Variants in SORCS2 observed in about 807,000 individuals in gnomAD.
SORCS2 encodes VPS10 domain-containing receptor SorCS2.
A neutral mutation model predicts 141.6 loss-of-function variants in SORCS2; 100 were observed. The observed-to-expected ratio is 0.71, with a 90% confidence interval of 0.60 to 0.83. The LOEUF (loss-of-function observed/expected upper bound fraction) is 0.83, where lower values mean the gene tolerates loss of function less well. SORCS2 is among the 40% of genes least tolerant of loss of function. The pLI, the probability that SORCS2 is intolerant of heterozygous loss-of-function variation, is 0.00. For missense variants in SORCS2, 1,646 were observed against 1,560.2 expected, an observed-to-expected ratio of 1.05 and a Z score of -0.93; for synonymous variants, 789 against 676.9, an observed-to-expected ratio of 1.17 and a Z score of -2.57.
At chr4:7,437,934 T>G (rs949857597) in intron 2 of SORCS2, among the ~76,000 whole-genome samples, 3 of 152,210 alleles carry the variant, frequency 2.0e-5, no homozygotes, top group Non-Finnish European at 4.4e-5. Context: ...CGTAATTTTT[T>G]TATAACCTTC....
intron 2 of SORCS2, among the ~76,000 whole-genome samples, chr4:7,454,496 T>C (rs1209305428): frequency 1.1e-5 from 1 of 88,210 alleles, no homozygotes; most frequent in South Asian, 5.2e-4. Flanking sequence ...TGGGGTCAGG[T>C]GCTGTGTGTT....
intron 1 of SORCS2, among the ~76,000 whole-genome samples, chr4:7,383,160 G>T (rs1723093208): frequency 6.6e-6 from 1 of 152,094 alleles, no homozygotes; most frequent in African/African-American, 2.4e-5. Context: ...CAGCTTTCTT[G>T]AGAAGATAAT....
intron 1 of SORCS2, among the ~76,000 whole-genome samples, chr4:7,208,038 C>T (rs2108876538): frequency 6.6e-6 from 1 of 152,242 alleles, no homozygotes. Flanking sequence ...CCACCTCCCC[C>T]AGTGTCCCTT....
chr4:7,594,830 C>T (rs1717151240), intron 3 of SORCS2, among the ~76,000 whole-genome samples: 1 of 152,142 alleles, frequency 6.6e-6, no homozygotes, highest in Admixed American at 6.5e-5. Context: ...CCTCAATTTC[C>T]TCATCTGTAA....
chr4:7,483,216 G>C (rs549877660), intron 2 of SORCS2, among the ~76,000 whole-genome samples: 3 of 151,866 alleles, frequency 2.0e-5, no homozygotes, highest in Non-Finnish European at 4.4e-5. Context: ...CCAGCTACTC[G>C]GGAGGCTGAG....
At chr4:7,529,608 G>A (rs1733903669) in intron 2 of SORCS2, among the ~76,000 whole-genome samples, 1 of 152,156 alleles carries the variant, frequency 6.6e-6, no homozygotes. Flanking sequence ...TGGGAGGCGG[G>A]ATCGATAGGC....
intron 2 of SORCS2, among the ~76,000 whole-genome samples, chr4:7,487,698 A>G (rs982474494): frequency 6.6e-6 from 1 of 152,152 alleles, no homozygotes; most frequent in African/African-American, 2.4e-5. Flanking sequence ...AGGACCTCAG[A>G]GCCGCCTTGG....
chr4:7,351,362 C>A (rs183844906), intron 1 of SORCS2, among the ~76,000 whole-genome samples: 32 of 152,318 alleles, frequency 2.1e-4, no homozygotes, highest in African/African-American at 7.7e-4. Context: ...CTCTCCCCAT[C>A]CCCGTGGCTG....
intron 1 of SORCS2, among the ~76,000 whole-genome samples, chr4:7,208,137 C>T (rs1727851293): frequency 6.6e-6 from 1 of 152,116 alleles, no homozygotes; most frequent in African/African-American, 2.4e-5. Context: ...AAGAAGACCA[C>T]CGAGGCGGCC....
At chr4:7,314,426 G>A (rs548945793) in intron 1 of SORCS2, among the ~76,000 whole-genome samples, 3 of 149,452 alleles carry the variant, frequency 2.0e-5, no homozygotes, top group Non-Finnish European at 4.4e-5. Context: ...TGCAAGCGTC[G>A]TCTCCTGGGT....
At chr4:7,527,191 C>T (rs1444449588) in intron 2 of SORCS2, among the ~76,000 whole-genome samples, 2 of 152,352 alleles carry the variant, frequency 1.3e-5, no homozygotes, top group East Asian at 1.9e-4. Flanking sequence ...ACACATACCT[C>T]GGACCCGGCT....
At chr4:7,267,544 C>T (rs1577339142) in intron 1 of SORCS2, among the ~76,000 whole-genome samples, 1 of 152,208 alleles carries the variant, frequency 6.6e-6, no homozygotes, top group Non-Finnish European at 1.5e-5. Context: ...AACACCAGCT[C>T]AGCCAGCCAG....
chr4:7,246,118 A>G (rs946391059), intron 1 of SORCS2, among the ~76,000 whole-genome samples: 2 of 152,186 alleles, frequency 1.3e-5, no homozygotes, highest in African/African-American at 4.8e-5. Flanking sequence ...GTCATTCCAC[A>G]CTATGCAATT....
chr4:7,306,799 G>C (rs1231088206), intron 1 of SORCS2, among the ~76,000 whole-genome samples: 2 of 152,202 alleles, frequency 1.3e-5, no homozygotes, highest in Non-Finnish European at 1.5e-5. Flanking sequence ...CCCTGGAGGG[G>C]TGCAGGCACA....
intron 2 of SORCS2, among the ~76,000 whole-genome samples, chr4:7,457,075 A>G (rs1728957333): frequency 6.6e-6 from 1 of 152,138 alleles, no homozygotes; most frequent in South Asian, 2.1e-4. Flanking sequence ...AGAATTCCTC[A>G]GGACCCAGCA....
chr4:7,471,098 A>G (rs1389978692), intron 2 of SORCS2, among the ~76,000 whole-genome samples: 2 of 152,178 alleles, frequency 1.3e-5, no homozygotes, highest in Non-Finnish European at 2.9e-5. Context: ...AGGGAAAGGC[A>G]AGGGCATCTT....
chr4:7,724,043 G>A (rs985983700), intron 19 of SORCS2, among the ~76,000 whole-genome samples, 160 bp downstream of exon 19: 2 of 152,178 alleles, frequency 1.3e-5, no homozygotes, highest in East Asian at 1.9e-4. Context: ...GCTCAAACCC[G>A]CACCCCTGAT....
intron 2 of SORCS2, among the ~76,000 whole-genome samples, chr4:7,464,791 A>C (rs1180402528): frequency 1.3e-5 from 2 of 152,178 alleles, no homozygotes; most frequent in African/African-American, 4.8e-5. Context: ...TATGGAATGT[A>C]CTTGTTTGTG....
chr4:7,679,176 G>T (rs1266481410), intron 9 of SORCS2, among the ~76,000 whole-genome samples: 1 of 152,168 alleles, frequency 6.6e-6, no homozygotes, highest in African/African-American at 2.4e-5. Flanking sequence ...TGCCTCGGAA[G>T]GCTGCAGGGG....
Sources: gnomAD v4.1 joint callset for allele counts (sites outside exome capture counted in the v4.1 genomes callset) on GRCh38, gnomAD v4.1.1 for gene constraint, MANE v1.5 for transcripts, NCBI Gene and HGNC (gene_info 2026-07-23, HGNC 2026-07-21) for gene names.